Variants in GDA observed in about 807,000 individuals in gnomAD.
GDA encodes the protein guanine deaminase, also known as cytoplasmic PSD-95 interactor.
A neutral mutation model predicts 59.6 loss-of-function variants in GDA; 18 were observed. That is an observed-to-expected ratio of 0.30 (90% CI 0.21 to 0.45). The LOEUF (loss-of-function observed/expected upper bound fraction) is 0.45, where lower values mean the gene tolerates loss of function less well. Ranked by LOEUF, GDA falls within the 20% of genes least tolerant of loss-of-function variation. The pLI, the probability that GDA is intolerant of heterozygous loss-of-function variation, is 1.00. For synonymous variants in GDA, 201 were observed against 201.1 expected (o/e 1.00, Z 0.00); for missense variants, 427 against 552.3 (o/e 0.77, Z 2.27).
chr9:72,123,482 CTTTTTT>C (rs11357949), intron 1 of GDA, among the ~76,000 whole-genome samples: 1 of 76,646 alleles, frequency 1.3e-5, no homozygotes, highest in African/African-American at 5.2e-5. Context: ...CATGCCCGGC[CTTTTTT>C]TTTTTTTTTT....
At position 72,116,390 on chromosome 9, in the gene GDA, T is replaced by C. The variant is rs1434623008; in HGVS notation, c.-100+1557T>C. ...CCTCTATGAAGTTTCCCCAGCCTTT[T>C]TTTTTTTTTTTTGAGATGGAGTCTT... On this transcript the variant is annotated intron_variant, in intron 1 of 13. Transcript: ENST00000545168. 2.0e-5 allele frequency among the ~76,000 whole-genome samples: 3 copies of C among 149,246 alleles called. No individual in the cohort carries two copies. The East Asian group carries it at 5.9e-4, about 30-fold the overall frequency.
chr9:72,164,083 A>G (rs1430095985), intron 1 of GDA, among the ~76,000 whole-genome samples: 2 of 152,146 alleles, frequency 1.3e-5, no homozygotes, highest in Non-Finnish European at 1.5e-5. Context: ...CTGAGTTGAG[A>G]TGCTTTTGTG....
At chr9:72,213,725 C>T (rs1835706776) in intron 4 of GDA, among the ~76,000 whole-genome samples, 161 bp from the exon 5 acceptor site, 1 of 151,580 alleles carries the variant, frequency 6.6e-6, no homozygotes, top group Admixed American at 6.6e-5. Context: ...ATGGCATGAA[C>T]CTGGGAGGCG....
intron 6 of GDA, among the ~76,000 whole-genome samples, chr9:72,221,229 A>G (rs901517061): frequency 4.6e-5 from 7 of 152,200 alleles, no homozygotes; most frequent in Non-Finnish European, 7.3e-5. Context: ...GGAATCGGCT[A>G]TCACCTCACT....
At chr9:72,175,138 C>G (rs1587479811) in intron 1 of GDA, among the ~76,000 whole-genome samples, 1 of 152,240 alleles carries the variant, frequency 6.6e-6, no homozygotes, top group South Asian at 2.1e-4. Context: ...ATCCTAAATG[C>G]AATGGGAAAC....
chr9:72,160,090 G>T (rs578186726), intron 1 of GDA, among the ~76,000 whole-genome samples: 1 of 152,016 alleles, frequency 6.6e-6, no homozygotes, highest in African/African-American at 2.4e-5. Context: ...ATGAGGTCAG[G>T]AGATCGAGAC....
At chr9:72,182,055 G>T (rs1831291290) in intron 1 of GDA, among the ~76,000 whole-genome samples, 1 of 152,096 alleles carries the variant, frequency 6.6e-6, no homozygotes, top group Non-Finnish European at 1.5e-5. Flanking sequence ...TCTGGACTGA[G>T]AGTAAGTTAT....
rs1351869336 is a variant in GDA at position 72,251,650 on chromosome 9, T to A, written c.*3308T>A. On this transcript the variant is annotated 3_prime_UTR_variant, in exon 14 of 14. Transcript: ENST00000358399. ...TAAGAATTGTTGAAAAAAAATTTTT[T>A]TTTTTTGGACAGCTTCAAGGAGATG... 6.6e-6 allele frequency: 1 copy of A among 152,168 alleles called. No individual in the cohort carries two copies. Among genetic ancestry groups the A allele is most frequent in the Non-Finnish European group, 1.5e-5 (1 of 68,022 alleles). 9.4% of individuals were successfully genotyped at this position (152,168 alleles called of 1,614,324 possible).
chr9:72,181,427 G>A (rs936188888), intron 1 of GDA, among the ~76,000 whole-genome samples: 10 of 152,102 alleles, frequency 6.6e-5, no homozygotes, highest in African/African-American at 2.4e-4. Context: ...CTGGGTTCAA[G>A]CAATTCTCTG....
intron 1 of GDA, among the ~76,000 whole-genome samples, chr9:72,150,797 C>T (rs183997242): frequency 3.9e-5 from 6 of 152,268 alleles, no homozygotes; most frequent in Admixed American, 3.3e-4. Flanking sequence ...TTTCTATGCA[C>T]GTTCAGGGAG....
At chr9:72,217,423 A>C (rs552745554) in intron 5 of GDA, among the ~76,000 whole-genome samples, 3 of 152,302 alleles carry the variant, frequency 2.0e-5, no homozygotes, top group African/African-American at 7.2e-5. Context: ...AAACCAAAAA[A>C]CGCCTGAGAA....
At chr9:72,242,676 T>G (rs1839754480) in intron 11 of GDA, among the ~76,000 whole-genome samples, 1 of 152,180 alleles carries the variant, frequency 6.6e-6, no homozygotes, top group East Asian at 1.9e-4. Context: ...TGTTTTTTGT[T>G]TTTGTTTTGT....
chr9:72,148,345 G>T (rs1055969885), upstream of GDA, among the ~76,000 whole-genome samples: 1 of 102,816 alleles, frequency 9.7e-6, no homozygotes, highest in African/African-American at 3.1e-5. Context: ...GTGTGTGTGT[G>T]TGTGTGTATT....
At chr9:72,254,257 G>A (rs1840837434), downstream of GDA, among the ~76,000 whole-genome samples, 1 of 152,082 alleles carries the variant, frequency 6.6e-6, no homozygotes, top group African/African-American at 2.4e-5. Context: ...ATCATTGTAA[G>A]ACTACATTGC....
chr9:72,236,429 C>A (rs997298114), intron 10 of GDA, among the ~76,000 whole-genome samples: 1 of 152,172 alleles, frequency 6.6e-6, no homozygotes, highest in Non-Finnish European at 1.5e-5. Flanking sequence ...AGTTTAAGGC[C>A]TCCCTCATAT....
At chr9:72,226,242 T>C (rs1003251138) in intron 8 of GDA, among the ~76,000 whole-genome samples, 2 of 152,192 alleles carry the variant, frequency 1.3e-5, no homozygotes, top group African/African-American at 4.8e-5. Context: ...TTAAAAATTG[T>C]TATCGGTGAG....
downstream of GDA, among the ~76,000 whole-genome samples, chr9:72,254,449 A>T (rs889501693): frequency 4.8e-5 from 7 of 145,038 alleles, no homozygotes; most frequent in East Asian, 2.0e-4. Flanking sequence ...AAATGCAATT[A>T]AAAAAAAAAC....
At chr9:72,197,726 A>G (rs753705845) in intron 2 of GDA, among the ~76,000 whole-genome samples, 1 of 152,238 alleles carries the variant, frequency 6.6e-6, no homozygotes, top group Non-Finnish European at 1.5e-5. Context: ...AAGAAAGATT[A>G]TATTTAAAAT....
In GDA at chr9:72,231,124, G is replaced by A; in HGVS notation, c.931G>A (p.Gly311Arg). The A allele has an allele frequency of 6.3e-7, 1 of 1,584,502 alleles. No individual in the cohort carries two copies. Among genetic ancestry groups the A allele is most frequent in the South Asian group, 1.1e-5 (1 of 90,432 alleles). The change falls in exon 10 of 14, where the codon GGA becomes AGA. Residue 311 changes from glycine (G) to arginine (R), a missense_variant. Gly to Arg is a moderately radical substitution (Grantham distance 125). Transcript: ENST00000358399. ...CTCCTCTCTCTACAGGCTCAGCAGT[G>A]GATTTCTAAATGTGCTAGAAGTCCT... ...CPNSNLSLSS[G>R]FLNVLEVLKH...
Sources: allele counts gnomAD v4.1 joint callset (sites outside exome capture counted in the v4.1 genomes callset), GRCh38; gene constraint gnomAD v4.1.1; transcripts MANE v1.5; gene names NCBI Gene and HGNC (gene_info 2026-07-23, HGNC 2026-07-21).